The following STT3A variants were observed in gnomAD, a reference collection of about 807,000 sequenced individuals.
The protein encoded by STT3A is STT3 oligosaccharyltransferase complex catalytic subunit A, also known as dolichyl-diphosphooligosaccharide--protein glycosyltransferase subunit STT3A.
In STT3A, 34 loss-of-function variants were observed where a neutral mutation model predicts 89.2. The observed-to-expected ratio is 0.38, with a 90% CI of 0.29 to 0.51. The LOEUF is 0.51. Ranked by LOEUF, STT3A falls within the 20% of genes least tolerant of loss-of-function variation. The pLI, the probability that STT3A is intolerant of heterozygous loss-of-function variation, is 0.89. For missense variants in STT3A, 555 were observed against 889.5 expected, an observed-to-expected ratio of 0.62 and a Z score of 4.78; for synonymous variants, 282 against 310.3, an observed-to-expected ratio of 0.91 and a Z score of 0.96.
chr11:125,605,494 A>G, intron 6 of STT3A, 135 bp from the exon 7 acceptor site: 2 of 572,088 alleles, frequency 3.5e-6, no homozygotes, highest in Non-Finnish European at 6.2e-6. Flanking sequence ...AAACTGAAAC[A>G]AAAGGAAGTA....
Position 125,621,217 on chromosome 11 carries a change from C to A in STT3A, c.*407C>A. The A allele has an allele frequency of 6.2e-6, 1 of 162,306 alleles. No individual in the cohort carries two copies. Among genetic ancestry groups the A allele is most frequent in the Non-Finnish European group, 1.3e-5 (1 of 74,764 alleles). 10.1% of individuals were successfully genotyped at this position (162,306 alleles called of 1,614,324 possible). A position where few individuals can be genotyped will look rare whatever the true frequency, so the allele number is the denominator to read the frequency against. The stretch of plus-strand genomic sequence containing the variant: ...CTCAAATCAGGAAAACTATCAAAGA[C>A]CAATTCAGATCCTACATTTACAGAC... On this transcript the variant is annotated 3_prime_UTR_variant, in exon 18 of 18. Transcript: ENST00000392708.
chr11:125,596,075 C>A, intron 2 of STT3A, 72 bp downstream of exon 2: 1 of 1,190,404 alleles, frequency 8.4e-7, no homozygotes, highest in Non-Finnish European at 1.2e-6. Context: ...TTGAAAATCG[C>A]TATCTTAAAA....
chr11:125,599,950 A>C (rs1442531942), intron 3 of STT3A, among the ~76,000 whole-genome samples: 1 of 145,550 alleles, frequency 6.9e-6, no homozygotes, highest in Non-Finnish European at 1.5e-5. Flanking sequence ...GCTGGTCTCA[A>C]ACTTCTGTGC....
upstream of STT3A, chr11:125,592,399 A>G: frequency 2.2e-6 from 1 of 456,296 alleles, no homozygotes. Context: ...TTCACCTTGT[A>G]TTAGGTAACA....
rs1940241046 is a variant in STT3A, at chr11:125,618,403, T to C, written c.1805T>C (p.Ile602Thr). The change falls in exon 16 of 18, where the codon ATT becomes ACT. Residue 602 changes from isoleucine to threonine, a missense_variant. Physicochemically the swap from Ile to Thr is moderately conservative, Grantham distance 89 (BLOSUM62 -1). This residue lies in a region of STT3A where 273 missense variants were observed against 449.8 expected (regional missense o/e 0.61). Transcript: ENST00000392708. ...DINKFLWMVR[I>T]GGSTDTGKHI... ...AACAAGTTTCTTTGGATGGTCCGGATTGGAGGGAGCACAGATACAGGCAAA... is the reference window on the plus strand; with the variant it reads ...AACAAGTTTCTTTGGATGGTCCGGACTGGAGGGAGCACAGATACAGGCAAA... 1 of 1,613,338 alleles carries C rather than the reference T, an allele frequency of 6.2e-7. No homozygotes were observed. The highest frequency in any genetic ancestry group is 8.5e-7 in the Non-Finnish European group (1 of 1,179,816).
rs377071700 is a variant in STT3A at position 125,606,297 on chromosome 11, A to G, written c.616-4A>G. 9.6e-5 allele frequency: 155 copies of G among 1,612,652 alleles called. No individual in the cohort carries two copies. The highest frequency in any genetic ancestry group is 1.2e-4 in the Non-Finnish European group (144 of 1,179,556). The stretch of plus-strand genomic sequence containing the variant: ...AGGAACTGTTTTTTTCTATTCCATC[A>G]TAGGTCTCGTCATGGGGAGGTTATG... On this transcript the variant is annotated splice_region_variant and splice_polypyrimidine_tract_variant and intron_variant, in intron 7 of 17. Coordinates refer to ENST00000392708, the MANE Select transcript of STT3A (RefSeq NM_152713.5).
At chr11:125,602,486 A>G in intron 4 of STT3A, 62 bp downstream of exon 4, 1 of 1,464,590 alleles carries the variant, frequency 6.8e-7, no homozygotes, top group Non-Finnish European at 9.1e-7. Flanking sequence ...TATGCTAGAG[A>G]ACCAGTTTCT....
chr11:125,600,896 C>T (rs1939652996), intron 3 of STT3A, among the ~76,000 whole-genome samples: 1 of 152,098 alleles, frequency 6.6e-6, no homozygotes, highest in Non-Finnish European at 1.5e-5. Context: ...AAGCAGTCAT[C>T]CCACTTCAAC....
intron 3 of STT3A, among the ~76,000 whole-genome samples, chr11:125,597,337 C>A (rs1169114712): frequency 6.6e-6 from 1 of 150,512 alleles, no homozygotes; most frequent in African/African-American, 2.5e-5. Context: ...GTAATCCCAG[C>A]ACTTTGGGAG....
intron 7 of STT3A, 137 bp from the exon 8 acceptor site, chr11:125,606,164 T>C (rs1165762515): frequency 4.7e-6 from 4 of 847,556 alleles, no homozygotes; most frequent in Non-Finnish European, 7.2e-6. Flanking sequence ...ATTTGAACTC[T>C]TTAAGCCATT....
chr11:125,620,228 C>A lies in STT3A; in HGVS notation c.2079+102C>A, dbSNP rs1940309964. 10 of 878,588 alleles carry A rather than the reference C, an allele frequency of 1.1e-5. No individual in the cohort carries two copies. The South Asian group carries it at 1.7e-4, about 15-fold the overall frequency. 54.4% of individuals were successfully genotyped at this position (878,588 alleles called of 1,614,324 possible). A position where few individuals can be genotyped will look rare whatever the true frequency, so the allele number is the denominator to read the frequency against. The stretch of plus-strand genomic sequence containing the variant: ...ATATTTCTCAAATAGGGAAATTTCT[C>A]ATGACACCTGTGCTTGAAAAGTAGC... On this transcript the variant is annotated intron_variant, in intron 17 of 17. Transcript: ENST00000392708.
intron 1 of STT3A, among the ~76,000 whole-genome samples, chr11:125,594,711 CAGAT>C (rs1157615538): frequency 6.6e-6 from 1 of 151,924 alleles, no homozygotes; most frequent in Non-Finnish European, 1.5e-5. Context: ...GAACTGCCTA[CAGAT>C]AGTGTCCCTC....
At position 125,609,580 on chromosome 11, in the gene STT3A, A is replaced by G; in HGVS notation, c.1108A>G (p.Met370Val). Residue 370 changes from methionine to valine, a missense_variant, in exon 10 of 18, where the codon ATG (methionine) becomes GTG (valine). Transcript: ENST00000392708. ...YYFDLQLLVF[M>V]FPVGLYYCFS... is the part of the protein sequence containing the mutation. The stretch of plus-strand genomic sequence containing the variant: ...TTTTGACCTGCAGCTCCTCGTCTTC[A>G]TGTTTCCAGGTATGTGGCCTCGTGT... The G allele has an allele frequency of 6.2e-7, 1 of 1,612,166 alleles. No homozygotes were observed. Among genetic ancestry groups the G allele is most frequent in the Non-Finnish European group, 8.5e-7 (1 of 1,179,514 alleles).
At position 125,614,307 on chromosome 11, in the gene STT3A, T is replaced by C. The variant is rs764533576; in HGVS notation, c.1672-17T>C. ...ACTTGGGATTTTGCTCTGAGAATTG[T>C]ACATTTGTTTTTCCAGGCAATGGCG... is the stretch of plus-strand genomic sequence containing the variant. On this transcript the variant is annotated splice_polypyrimidine_tract_variant and intron_variant, in intron 14 of 17. Transcript: ENST00000392708. This position sits in a 1 kb window ranked among gnomAD's most constrained non-coding sequence, Gnocchi z 4.9. The C allele has an allele frequency of 2.9e-5, 46 of 1,613,976 alleles. No individual in the cohort carries two copies. The highest frequency in any genetic ancestry group is 3.8e-5 in the Non-Finnish European group (45 of 1,179,986).
Position 125,606,323 on chromosome 11 carries a change from T to C in STT3A, c.638T>C (p.Val213Ala), listed in dbSNP as rs1220693237. 1 of 1,613,926 alleles carries C rather than the reference T, an allele frequency of 6.2e-7. No individual in the cohort carries two copies. The highest frequency in any genetic ancestry group is 2.2e-5 in the East Asian group (1 of 44,878). Residue 213 changes from valine (V) to alanine (A), a missense_variant, in exon 8 of 18, where the codon GTG (valine) becomes GCG (alanine). By Grantham distance (64) the Val-to-Ala change is moderately conservative. This residue lies in a region of STT3A where 149 missense variants were observed against 206.2 expected (regional missense o/e 0.72). Coordinates refer to ENST00000392708, the MANE Select transcript of STT3A (RefSeq NM_152713.5). ...FYMVSSWGGY[V>A]FLINLIPLHV... ...TAGGTCTCGTCATGGGGAGGTTATG[T>C]GTTCCTGATCAACTTAATTCCTCTC...
intron 8 of STT3A, 80 bp from the exon 9 acceptor site, chr11:125,608,029 A>G (rs1939887144): frequency 1.8e-5 from 25 of 1,423,220 alleles, no homozygotes; most frequent in Non-Finnish European, 4.7e-6. Flanking sequence ...GGTTTGAACT[A>G]GATAAGAATA....
intron 16 of STT3A, 122 bp from the exon 17 acceptor site, chr11:125,619,889 C>G: frequency 1.2e-6 from 1 of 837,086 alleles, no homozygotes; most frequent in Non-Finnish European, 1.9e-6. Context: ...AGGCTCTACT[C>G]TCAACAAATT....
Position 125,621,510 on chromosome 11 carries a change from G to C in STT3A, c.*700G>C, listed in dbSNP as rs1454239042. 1.3e-5 allele frequency: 2 copies of C among 152,160 alleles called. No homozygotes were observed. The highest frequency in any genetic ancestry group is 2.9e-5 in the Non-Finnish European group (2 of 68,032). 9.4% of individuals were successfully genotyped at this position (152,160 alleles called of 1,614,324 possible). ...AGAAACTCTTCCAGCATTACATATA[G>C]AGCTTGATGGTCAGTAGGTGTTTTT... On this transcript the variant is annotated 3_prime_UTR_variant, in exon 18 of 18. Coordinates refer to ENST00000392708, the MANE Select transcript of STT3A (RefSeq NM_152713.5).
Position 125,599,687 on chromosome 11 carries a change from G to A in STT3A, c.149+2568G>A, listed in dbSNP as rs1279499011. ...GCCTCCCAAAGTGCTGGGATAACAG[G>A]CATGAACTACTACACCGGCCTCTTC... On this transcript the variant is annotated intron_variant, in intron 3 of 17. Coordinates refer to ENST00000392708, the MANE Select transcript of STT3A (RefSeq NM_152713.5). 2.0e-5 allele frequency among the ~76,000 whole-genome samples: 3 copies of A among 150,130 alleles called. No homozygotes were observed. The East Asian group carries it at 5.9e-4, about 29-fold the overall frequency.
Sources: gnomAD v4.1 joint callset for allele counts (sites outside exome capture counted in the v4.1 genomes callset) on GRCh38, gnomAD v4.1.1 for gene constraint, gnomAD v4.1.1 regional missense constraint, Gnocchi (gnomAD v3.1) non-coding constraint, MANE v1.5 for transcripts, NCBI Gene and HGNC (gene_info 2026-07-23, HGNC 2026-07-21) for gene names.